The following ANAPC10 variants were observed in gnomAD, a reference collection of about 807,000 sequenced individuals.
The protein encoded by ANAPC10 is anaphase-promoting complex subunit 10.
Under a neutral mutation model 22.0 loss-of-function variants are expected in ANAPC10, and 12 were observed. That is an observed-to-expected ratio of 0.55 (90% confidence interval 0.35 to 0.88). The LOEUF is 0.88. Ranked by LOEUF, ANAPC10 falls within the 40% of genes least tolerant of loss-of-function variation. The probability of loss-of-function intolerance (pLI) is 0.01; values close to 1 mark genes in which losing one functional copy is unlikely to be tolerated. For synonymous variants in ANAPC10, 65 were observed against 69.5 expected, an observed-to-expected ratio of 0.94 and a Z score of 0.32; for missense variants, 188 against 220.9, an observed-to-expected ratio of 0.85 and a Z score of 0.94.
At chr4:145,056,548 C>T (rs1209141668) in intron 4 of ANAPC10, among the ~76,000 whole-genome samples, 1 of 152,138 alleles carries the variant, frequency 6.6e-6, no homozygotes, top group Non-Finnish European at 1.5e-5. Context: ...ATAAGAACCC[C>T]CTCTTGGGGT....
chr4:145,056,305 GAC>G (rs953040032), intron 4 of ANAPC10, among the ~76,000 whole-genome samples: 14 of 152,174 alleles, frequency 9.2e-5, no homozygotes, highest in African/African-American at 3.1e-4. Flanking sequence ...CCAGCACCAT[GAC>G]AGTTTACAAA....
Position 145,026,975 on chromosome 4 carries a change from A to G in ANAPC10, c.328-31372T>C, listed in dbSNP as rs1578954894. On this transcript the variant is annotated intron_variant, in intron 4 of 4. Coordinates refer to ENST00000507656, the MANE Select transcript of ANAPC10 (RefSeq NM_001256706.2). ...TGTGTGTGTATATATATATATATAT[A>G]TATATATATATATTTTTTTTTTTTT... 4.6e-4 allele frequency among the ~76,000 whole-genome samples: 15 copies of G among 32,520 alleles called. 1 individual carries two copies. The highest frequency in any genetic ancestry group is 5.7e-4 in the African/African-American group (4 of 6,992). 21.3% of individuals were successfully genotyped at this position (32,520 alleles called of 152,430 possible).
At chr4:144,996,340 C>T (rs1731607436) in intron 4 of ANAPC10, among the ~76,000 whole-genome samples, 1 of 152,196 alleles carries the variant, frequency 6.6e-6, no homozygotes, top group African/African-American at 2.4e-5. Flanking sequence ...AGGCATCCCA[C>T]AGATCCTGGA....
At chr4:145,038,573 C>A (rs1738977439) in intron 4 of ANAPC10, among the ~76,000 whole-genome samples, 1 of 151,820 alleles carries the variant, frequency 6.6e-6, no homozygotes, top group Admixed American at 6.6e-5. Flanking sequence ...GCCTGTAATC[C>A]CAGCATTTTG....
Position 145,018,027 on chromosome 4 carries a change from T to C in ANAPC10, c.328-22424A>G, listed in dbSNP as rs1254411369. On this transcript the variant is annotated intron_variant, in intron 4 of 4. Transcript: ENST00000507656. ...TGGTATACCTAATGTAAATGACGAG[T>C]TAATGGGTGCAGCACACCAACATGG... 1.1e-4 allele frequency among the ~76,000 whole-genome samples: 16 copies of C among 149,330 alleles called. 2 individuals carry two copies. The East Asian group carries it at 3.2e-3, about 30-fold the overall frequency.
chr4:145,019,406 T>C (rs1391010774), intron 4 of ANAPC10, among the ~76,000 whole-genome samples: 1 of 151,914 alleles, frequency 6.6e-6, no homozygotes, highest in East Asian at 1.9e-4. Context: ...TGAATGACAA[T>C]AGTGACAATC....
intron 2 of ANAPC10, among the ~76,000 whole-genome samples, chr4:145,091,711 C>T (rs917439216): frequency 6.6e-6 from 1 of 151,866 alleles, no homozygotes; most frequent in African/African-American, 2.4e-5. Context: ...GGGTATATAC[C>T]CAGTGATGGG....
At chr4:145,090,358 G>A (rs1458128062) in intron 2 of ANAPC10, among the ~76,000 whole-genome samples, 2 of 152,074 alleles carry the variant, frequency 1.3e-5, no homozygotes, top group Non-Finnish European at 2.9e-5. Flanking sequence ...TCAGTTAGTT[G>A]AATCCATGAA....
chr4:145,090,051 T>A (rs1433665584), intron 2 of ANAPC10, among the ~76,000 whole-genome samples: 2 of 152,172 alleles, frequency 1.3e-5, no homozygotes, highest in African/African-American at 2.4e-5. Flanking sequence ...ATTTACTACA[T>A]GAAATTAATT....
At chr4:145,072,083 G>A (rs1744570246) in intron 3 of ANAPC10, among the ~76,000 whole-genome samples, 1 of 152,030 alleles carries the variant, frequency 6.6e-6, no homozygotes, top group Non-Finnish European at 1.5e-5. Flanking sequence ...CCCAAGTTTA[G>A]GGAGAGGAAT....
intron 3 of ANAPC10, among the ~76,000 whole-genome samples, chr4:145,069,001 T>A (rs1337329441): frequency 6.6e-6 from 1 of 152,188 alleles, no homozygotes; most frequent in Non-Finnish European, 1.5e-5. Flanking sequence ...AAGACCATGT[T>A]TTGAAAGGAT....
At chr4:145,051,865 A>G (rs1741150103) in intron 4 of ANAPC10, among the ~76,000 whole-genome samples, 1 of 152,228 alleles carries the variant, frequency 6.6e-6, no homozygotes, top group African/African-American at 2.4e-5. Context: ...ATTTAGTCTA[A>G]GGACACTATC....
rs116079708 is a variant in ANAPC10, at chr4:145,087,031, G to A, written c.116-5281C>T. On this transcript the variant is annotated intron_variant, in intron 2 of 4. Coordinates refer to ENST00000507656, the MANE Select transcript of ANAPC10 (RefSeq NM_001256706.2). ...AATACACTGTGACACAAGCAGAGGCGGTAAATGTGCTTGCAAAGTCTGGCT... is the reference window on the plus strand; with the variant it reads ...AATACACTGTGACACAAGCAGAGGCAGTAAATGTGCTTGCAAAGTCTGGCT... 6.0e-3 allele frequency among the ~76,000 whole-genome samples: 917 copies of A among 151,810 alleles called. 10 individuals carry two copies. The highest frequency in any genetic ancestry group is 0.022 in the African/African-American group (892 of 41,374).
chr4:144,997,653 T>C (rs1487457744), intron 4 of ANAPC10, among the ~76,000 whole-genome samples: 2 of 152,272 alleles, frequency 1.3e-5, no homozygotes, highest in East Asian at 3.9e-4. Context: ...CCATCAATGC[T>C]AGGAAGAAAC....
At chr4:145,027,702 T>C (rs1306897626) in intron 4 of ANAPC10, among the ~76,000 whole-genome samples, 2 of 152,174 alleles carry the variant, frequency 1.3e-5, no homozygotes, top group African/African-American at 4.8e-5. Flanking sequence ...TATGAGGCAA[T>C]GGAGAATGTG....
chr4:144,996,011 A>G (rs1490424802), intron 4 of ANAPC10, among the ~76,000 whole-genome samples: 2 of 152,234 alleles, frequency 1.3e-5, no homozygotes, highest in African/African-American at 4.8e-5. Context: ...GTAGATACTC[A>G]TATTTTGAAC....
intron 4 of ANAPC10, among the ~76,000 whole-genome samples, chr4:145,000,177 G>A (rs2087966066): frequency 6.6e-6 from 1 of 152,116 alleles, no homozygotes; most frequent in Non-Finnish European, 1.5e-5. Context: ...AAAAGCAGTG[G>A]CAACAAAAGC....
At chr4:145,035,638 G>T (rs139598498) in intron 4 of ANAPC10, among the ~76,000 whole-genome samples, 7 of 152,326 alleles carry the variant, frequency 4.6e-5, no homozygotes, top group African/African-American at 1.7e-4. Context: ...CAGTGAACAT[G>T]AATGATTCCA....
intron 2 of ANAPC10, among the ~76,000 whole-genome samples, chr4:145,083,741 G>C (rs1017565147): frequency 2.6e-5 from 4 of 152,096 alleles, no homozygotes; most frequent in African/African-American, 9.7e-5. Context: ...GTTGTTGCTA[G>C]ATAATTTTAA....
Sources: gnomAD v4.1 joint callset for allele counts (sites outside exome capture counted in the v4.1 genomes callset) on GRCh38, gnomAD v4.1.1 for gene constraint, MANE v1.5 for transcripts, NCBI Gene and HGNC (gene_info 2026-07-23, HGNC 2026-07-21) for gene names.